Variants in ACVR1 observed in about 807,000 individuals in gnomAD.
The protein encoded by ACVR1 is activin A receptor type 1.
In ACVR1, 38 loss-of-function variants were observed where a neutral mutation model predicts 57.1. That is an observed-to-expected ratio of 0.67 (90% CI 0.51 to 0.87). The LOEUF (loss-of-function observed/expected upper bound fraction) is 0.87. Among genes scored for constraint, ACVR1 ranks in the 40% least tolerant of loss-of-function variants. The pLI, the probability that ACVR1 is intolerant of heterozygous loss-of-function variation, is 0.00. For missense variants in ACVR1, 463 were observed against 638.2 expected, an observed-to-expected ratio of 0.73 and a Z score of 2.96; for synonymous variants, 212 against 228.1, an observed-to-expected ratio of 0.93 and a Z score of 0.63.
chr2:157,855,308 G>A (rs71351541), intron 1 of ACVR1, among the ~76,000 whole-genome samples: 21,825 of 50,566 alleles, frequency 0.43, 3,279 homozygotes, highest in East Asian at 0.67. Flanking sequence ...GTGTGTGTGT[G>A]TATATATATA....
chr2:157,847,522 A>G (rs925462671), intron 1 of ACVR1, among the ~76,000 whole-genome samples: 1 of 152,212 alleles, frequency 6.6e-6, no homozygotes, highest in South Asian at 2.1e-4. Context: ...AAATTTTCTC[A>G]TTATATTTTC....
At chr2:157,856,433 TATA>T (rs1253315125) in intron 1 of ACVR1, among the ~76,000 whole-genome samples, 1 of 152,252 alleles carries the variant, frequency 6.6e-6, no homozygotes, top group African/African-American at 2.4e-5. Flanking sequence ...GTGCCATATC[TATA>T]ATGACTCATG....
chr2:157,787,937 G>A (rs1166345971), intron 3 of ACVR1, among the ~76,000 whole-genome samples: 3 of 152,110 alleles, frequency 2.0e-5, no homozygotes, highest in Non-Finnish European at 4.4e-5. Context: ...CCTCCTCCAA[G>A]GTTGCCAATC....
In ACVR1 at chr2:157,857,075, G is replaced by A. The variant is rs151285657; in HGVS notation, c.-183+18721C>T. ...TTAGCCAGGTGTGGTGGTACGCACT[G>A]TAGTCTCAGCTATTCAGGAGGCTGA... On this transcript the variant is annotated intron_variant, in intron 1 of 10. Transcript: ENST00000434821. 5.7e-3 allele frequency among the ~76,000 whole-genome samples: 862 copies of A among 152,216 alleles called. 11 individuals are homozygous for A. Among genetic ancestry groups the A allele is most frequent in the African/African-American group, 0.02 (817 of 41,506 alleles).
chr2:157,861,448 C>A (rs1027246047), intron 1 of ACVR1, among the ~76,000 whole-genome samples: 1 of 152,178 alleles, frequency 6.6e-6, no homozygotes, highest in African/African-American at 2.4e-5. Context: ...GAATGAGATT[C>A]TATGCCATCA....
chr2:157,850,210 C>A (rs1395998355), intron 1 of ACVR1, among the ~76,000 whole-genome samples: 1 of 151,902 alleles, frequency 6.6e-6, no homozygotes, highest in African/African-American at 2.4e-5. Flanking sequence ...GTCAACATGG[C>A]AAAACCCTGT....
chr2:157,760,773 C>A, intron 9 of ACVR1, 107 bp downstream of exon 9: 1 of 1,130,842 alleles, frequency 8.8e-7, no homozygotes, highest in Non-Finnish European at 1.3e-6. Context: ...TCGACACGTA[C>A]GATTCAAAGA....
At chr2:157,825,448 T>C (rs1300179239) in intron 1 of ACVR1, among the ~76,000 whole-genome samples, 5 of 152,134 alleles carry the variant, frequency 3.3e-5, no homozygotes, top group Non-Finnish European at 1.5e-5. Context: ...TACTGGTCCA[T>C]GGCCTGTTAG....
At chr2:157,838,347 G>A (rs1326881105) in intron 1 of ACVR1, 2 of 151,428 alleles carry the variant, frequency 1.3e-5, no homozygotes, top group African/African-American at 4.9e-5. Context: ...AAGAGGTGGG[G>A]GAAAAAAAAA....
At chr2:157,772,591 G>A (rs1686111959) in intron 6 of ACVR1, among the ~76,000 whole-genome samples, 1 of 152,156 alleles carries the variant, frequency 6.6e-6, no homozygotes, top group Non-Finnish European at 1.5e-5. Flanking sequence ...TTGGACTCTG[G>A]AGCCAATCTC....
chr2:157,783,803 G>A (rs533940056), intron 3 of ACVR1, among the ~76,000 whole-genome samples: 2 of 152,198 alleles, frequency 1.3e-5, no homozygotes, highest in East Asian at 3.9e-4. Context: ...TTCTTACTTT[G>A]TATATTCCCA....
intron 3 of ACVR1, among the ~76,000 whole-genome samples, chr2:157,796,647 C>T (rs1687135480): frequency 6.6e-6 from 1 of 150,910 alleles, no homozygotes; most frequent in South Asian, 2.1e-4. Context: ...CTTTAGTTCT[C>T]AATATTCCTT....
At chr2:157,792,880 G>A (rs561055316) in intron 3 of ACVR1, among the ~76,000 whole-genome samples, 4 of 152,228 alleles carry the variant, frequency 2.6e-5, no homozygotes, top group South Asian at 2.1e-4. Context: ...AAGCCACCTC[G>A]CCTGTGTCTT....
intron 9 of ACVR1, among the ~76,000 whole-genome samples, chr2:157,755,523 A>AATACCATACCATACCATACC (rs71402402): frequency 8.7e-5 from 13 of 149,896 alleles, no homozygotes; most frequent in African/African-American, 2.5e-4. Context: ...AGCTGCAAAT[A>AATACCATACCATACCATACC]ATACCATACC....
At chr2:157,830,212 C>A (rs1688534443) in intron 1 of ACVR1, among the ~76,000 whole-genome samples, 1 of 152,010 alleles carries the variant, frequency 6.6e-6, no homozygotes, top group Non-Finnish European at 1.5e-5. Context: ...AGAGCAAACT[C>A]CGTCTCAAAA....
intron 1 of ACVR1, among the ~76,000 whole-genome samples, chr2:157,856,273 TA>T (rs1689531966): frequency 6.6e-6 from 1 of 152,214 alleles, no homozygotes; most frequent in Non-Finnish European, 1.5e-5. Context: ...TCTGCTGTCT[TA>T]AAAGTGCCTC....
At chr2:157,786,706 G>A (rs1330771541) in intron 3 of ACVR1, among the ~76,000 whole-genome samples, 3 of 152,160 alleles carry the variant, frequency 2.0e-5, no homozygotes, top group Non-Finnish European at 4.4e-5. Context: ...GAACAGCTGG[G>A]CTCTGTGGGT....
At chr2:157,816,996 G>A (rs1687962878) in intron 2 of ACVR1, among the ~76,000 whole-genome samples, 1 of 149,164 alleles carries the variant, frequency 6.7e-6, no homozygotes, top group South Asian at 2.1e-4. Context: ...GTCTTGTTCT[G>A]TTGCCCAGTC....
rs1472916412 is a variant in ACVR1, at chr2:157,774,258, A to C, written c.544-71T>G. The stretch of plus-strand genomic sequence containing the variant: ...CTCCCACTTTGGAGTATTAGCATGC[A>C]TGACATTGTAACTCACATGAAGGGC... On this transcript the variant is annotated intron_variant, in intron 5 of 10. Transcript: ENST00000434821. 8.1e-6 allele frequency: 10 copies of C among 1,239,898 alleles called. No homozygotes were observed. The East Asian group carries it at 2.1e-4, about 26-fold the overall frequency. The allele number at this position is 1,239,898 out of a possible 1,614,324, so 76.8% of individuals were successfully genotyped here. A position where few individuals can be genotyped will look rare whatever the true frequency, so the allele number is the denominator to read the frequency against.
Sources: allele counts gnomAD v4.1 joint callset (sites outside exome capture counted in the v4.1 genomes callset), GRCh38; gene constraint gnomAD v4.1.1; transcripts MANE v1.5; gene names NCBI Gene and HGNC (gene_info 2026-07-23, HGNC 2026-07-21).